The following RICTOR variants were observed in gnomAD, a reference collection of about 807,000 sequenced individuals.
The protein encoded by RICTOR is rapamycin-insensitive companion of mTOR.
Under a neutral mutation model 214.9 loss-of-function variants are expected in RICTOR, and 49 were observed. The ratio of observed to expected loss-of-function variants is 0.23; its 90% CI spans 0.18 to 0.29. The LOEUF is 0.29. RICTOR is among the 10% of genes least tolerant of loss of function. The probability of loss-of-function intolerance (pLI) is 1.00; values close to 1 mark genes in which losing one functional copy is unlikely to be tolerated. For missense variants in RICTOR, 1,625 were observed against 2,047.0 expected, an observed-to-expected ratio of 0.79 and a Z score of 3.98; for synonymous variants, 717 against 711.3, an observed-to-expected ratio of 1.01 and a Z score of -0.13.
chr5:38,960,352 A>T (rs1348050915), intron 20 of RICTOR, 46 bp downstream of exon 20: 1 of 1,589,186 alleles, frequency 6.3e-7, no homozygotes. Context: ...AAGGGAAGCA[A>T]ATTCAATAAA....
rs147910634 is a variant in RICTOR at position 38,975,538 on chromosome 5, T to C, written c.888A>G (p.Ala296=). ...MGIIATFRSW[A]GIINLCKPGN... ...ATAAAGCAATGTAGAGTAACCTACC[T>C]GCCCATGATCGGAATGTTGCTATGA... Residue 296 remains alanine, a splice_region_variant and synonymous_variant, in exon 10 of 38, where the codon GCA becomes GCG. Transcript: ENST00000357387. 3 of 1,609,906 alleles carry C rather than the reference T, an allele frequency of 1.9e-6. No homozygotes were observed. The South Asian group carries it at 3.3e-5, about 18-fold the overall frequency.
At chr5:39,052,166 G>T (rs935525191) in intron 2 of RICTOR, among the ~76,000 whole-genome samples, 3 of 152,022 alleles carry the variant, frequency 2.0e-5, no homozygotes, top group Admixed American at 2.0e-4. Context: ...TTGAGAACAA[G>T]AATTCAAGAT....
intron 2 of RICTOR, among the ~76,000 whole-genome samples, chr5:39,059,348 T>C (rs998268750): frequency 6.6e-6 from 1 of 152,126 alleles, no homozygotes; most frequent in African/African-American, 2.4e-5. Context: ...GTCAGGATAG[T>C]GCCTTCCTTG....
intron 3 of RICTOR, among the ~76,000 whole-genome samples, chr5:39,005,143 A>G (rs1034925241): frequency 6.6e-6 from 1 of 152,098 alleles, no homozygotes; most frequent in Non-Finnish European, 1.5e-5. Context: ...TCTTATTACA[A>G]TGTTTCTAGG....
intron 6 of RICTOR, among the ~76,000 whole-genome samples, chr5:38,993,028 C>T (rs1392636804): frequency 6.6e-6 from 1 of 152,062 alleles, no homozygotes; most frequent in African/African-American, 2.4e-5. Flanking sequence ...AAGGAAGTAA[C>T]AATTGTGGTA....
chr5:39,048,445 G>A (rs1757639998), intron 2 of RICTOR, among the ~76,000 whole-genome samples: 1 of 152,118 alleles, frequency 6.6e-6, no homozygotes, highest in South Asian at 2.1e-4. Context: ...CTGTAAGTAT[G>A]GAATTTTGTT....
intron 2 of RICTOR, among the ~76,000 whole-genome samples, chr5:39,053,788 A>T (rs1404422087): frequency 2.0e-5 from 3 of 147,648 alleles, no homozygotes; most frequent in African/African-American, 7.7e-5. Context: ...GCTACTCGGG[A>T]GGCTGAGGCA....
chr5:38,990,711 T>TATATCTGATATATATC (rs1752637767), intron 7 of RICTOR, among the ~76,000 whole-genome samples: 1 of 119,740 alleles, frequency 8.4e-6, no homozygotes, highest in Non-Finnish European at 1.7e-5. Flanking sequence ...TCAGATATGA[T>TATATCTGATATATATC]ATATATGATA....
chr5:38,987,476 G>A (rs924835096), intron 7 of RICTOR, among the ~76,000 whole-genome samples: 2 of 152,108 alleles, frequency 1.3e-5, no homozygotes, highest in East Asian at 3.9e-4. Flanking sequence ...CCATTTATTC[G>A]AGATTTTCTA....
chr5:39,067,037 T>C (rs1758954749), intron 2 of RICTOR, among the ~76,000 whole-genome samples: 1 of 152,232 alleles, frequency 6.6e-6, no homozygotes, highest in Admixed American at 6.5e-5. Context: ...GCTGCTTCCA[T>C]ATTTTCAGGT....
chr5:39,060,300 A>G (rs1758456988), intron 2 of RICTOR, among the ~76,000 whole-genome samples: 1 of 152,102 alleles, frequency 6.6e-6, no homozygotes, highest in African/African-American at 2.4e-5. Context: ...TGTTATGCAT[A>G]GTAGAGACTC....
chr5:38,945,659 G>C lies in RICTOR; in HGVS notation c.4465C>G (p.Leu1489Val), dbSNP rs759787504. The C allele has an allele frequency of 3.1e-6, 5 of 1,613,888 alleles. No individual in the cohort carries two copies. Among genetic ancestry groups the C allele is most frequent in the Non-Finnish European group, 4.2e-6 (5 of 1,179,904 alleles). Reference sequence around the variant, plus strand: ...TGGATTGAATTCATTATTTCCGTAAGACTCATCTGCTGTCGTAGCAAGTGA... The same window carrying C: ...TGGATTGAATTCATTATTTCCGTAACACTCATCTGCTGTCGTAGCAAGTGA... ...SFHLLRQQMS[L>V]TEIMNSIHSD... Residue 1489 changes from leucine to valine, a missense_variant, in exon 34 of 38, where the codon CTT becomes GTT. This residue lies in a region of RICTOR where 1,214 missense variants were observed against 1,470.5 expected (regional missense o/e 0.83). Coordinates refer to ENST00000357387, the MANE Select transcript of RICTOR (RefSeq NM_152756.5).
intron 3 of RICTOR, among the ~76,000 whole-genome samples, chr5:39,016,866 C>T (rs1490131090): frequency 6.6e-6 from 1 of 152,058 alleles, no homozygotes; most frequent in Admixed American, 6.6e-5. Context: ...CATAAACTTG[C>T]TTTCAAAACT....
At chr5:38,998,161 T>C (rs1279830856) in intron 5 of RICTOR, among the ~76,000 whole-genome samples, 2 of 152,214 alleles carry the variant, frequency 1.3e-5, no homozygotes, top group African/African-American at 4.8e-5. Context: ...AACCAAACTT[T>C]AACAGAATCA....
intron 2 of RICTOR, among the ~76,000 whole-genome samples, chr5:39,045,811 G>C (rs1023781732): frequency 3.3e-5 from 5 of 151,990 alleles, no homozygotes; most frequent in Non-Finnish European, 7.4e-5. Flanking sequence ...TACCTTCTTA[G>C]AAACTAATAA....
intron 19 of RICTOR, among the ~76,000 whole-genome samples, chr5:38,962,053 C>A (rs1397993549): frequency 6.6e-6 from 1 of 151,990 alleles, no homozygotes. Context: ...ATTGATACTA[C>A]CCCAATTTGA....
intron 11 of RICTOR, chr5:38,970,616 C>T (rs970928377): frequency 2.6e-5 from 4 of 152,056 alleles, no homozygotes; most frequent in Non-Finnish European, 5.9e-5. Context: ...TAATATTTTT[C>T]ACCTCCAGGT....
intron 7 of RICTOR, among the ~76,000 whole-genome samples, chr5:38,987,372 A>T (rs1752253692): frequency 6.6e-6 from 1 of 152,054 alleles, no homozygotes; most frequent in African/African-American, 2.4e-5. Flanking sequence ...TTTGGTTGGT[A>T]GACTATTAAT....
chr5:39,006,731 AGGAGG>A (rs1246226842), intron 3 of RICTOR, among the ~76,000 whole-genome samples: 4 of 33,284 alleles, frequency 1.2e-4, no homozygotes, highest in African/African-American at 5.3e-4. Flanking sequence ...AGGAGGGGAG[AGGAGG>A]GGAGAGGAGG....
Sources: allele counts gnomAD v4.1 joint callset (sites outside exome capture counted in the v4.1 genomes callset), GRCh38; gene constraint gnomAD v4.1.1; regional missense constraint gnomAD v4.1.1; transcripts MANE v1.5; gene names NCBI Gene and HGNC (gene_info 2026-07-23, HGNC 2026-07-21).